The following GPR161 variants were observed in gnomAD, a reference collection of about 807,000 sequenced individuals.
GPR161 encodes the protein G-protein coupled receptor RE2.
GPR161 carries 25 observed loss-of-function variants against 39.2 expected under a neutral mutation model. That is an observed-to-expected ratio of 0.64 (90% confidence interval 0.47 to 0.89). The LOEUF (loss-of-function observed/expected upper bound fraction) is 0.89. Among genes scored for constraint, GPR161 ranks in the 40% least tolerant of loss-of-function variants. GPR161 has a pLI of 0.00. For synonymous variants in GPR161, 286 were observed against 276.6 expected (o/e 1.03, Z -0.34); for missense variants, 547 against 677.8 (o/e 0.81, Z 2.14).
intron 2 of GPR161, among the ~76,000 whole-genome samples, chr1:168,101,736 A>T (rs1468987737): frequency 6.6e-6 from 1 of 152,230 alleles, no homozygotes; most frequent in East Asian, 1.9e-4. Flanking sequence ...GAATATGACA[A>T]GCGTGTAACA....
chr1:168,136,083 G>A (rs1039964839), intron 1 of GPR161: 2 of 1,256,498 alleles, frequency 1.6e-6, no homozygotes, highest in Admixed American at 4.2e-5. Flanking sequence ...AGAAGGCGCC[G>A]AGGGCTGGTC....
In GPR161 at chr1:168,095,478, T is replaced by G. The variant is rs191861709; in HGVS notation, c.1099+1030A>C. On this transcript the variant is annotated intron_variant, in intron 3 of 5. Transcript: ENST00000682931. ...TAAAATTATTTCAAAATAAAAAGTT[T>G]TAACAAAAAATCTAACCCCTAACTA... Among the ~76,000 whole-genome samples, 685 of 152,258 alleles carry G rather than the reference T, an allele frequency of 4.5e-3. 5 individuals carry two copies. The highest frequency in any genetic ancestry group is 0.015 in the African/African-American group (639 of 41,526).
At chr1:168,137,512 G>A (rs1699473931), upstream of GPR161, 1 of 897,512 alleles carries the variant, frequency 1.1e-6, no homozygotes, top group South Asian at 1.4e-5. Context: ...GGGAGTGGAC[G>A]TAAACAGGTC....
Position 168,085,483 on chromosome 1 carries a change from TC to T in GPR161, c.*47del. ...CGGCACAGGCGGTGATGGGAACTCCTCCCCGGGCCAGCCTCTCAGGCTGCAG... is the reference window on the plus strand; with the variant it reads ...CGGCACAGGCGGTGATGGGAACTCCTCCCGGGCCAGCCTCTCAGGCTGCAG... On this transcript the variant is annotated 3_prime_UTR_variant, in exon 6 of 6. Transcript: ENST00000682931. The T allele has an allele frequency of 6.4e-7, 1 of 1,566,464 alleles. No individual in the cohort carries two copies.
chr1:168,097,864 A>AAAGGCTAAATAACACACCCCAG (rs1373676682), intron 2 of GPR161, among the ~76,000 whole-genome samples: 1 of 152,192 alleles, frequency 6.6e-6, no homozygotes, highest in African/African-American at 2.4e-5. Flanking sequence ...TAAAGCAGGG[A>AAAGGCTAAATAACACACCCCAG]AAGGCTAAAT....
At chr1:168,089,755 C>T (rs1247092908) in intron 4 of GPR161, among the ~76,000 whole-genome samples, 4 of 152,240 alleles carry the variant, frequency 2.6e-5, no homozygotes, top group Admixed American at 6.5e-5. Context: ...TCTGCCCATG[C>T]GCCTCTGCCC....
intron 1 of GPR161, among the ~76,000 whole-genome samples, chr1:168,123,265 G>A (rs529725801): frequency 8.0e-4 from 121 of 152,184 alleles, no homozygotes; most frequent in African/African-American, 2.6e-3. Flanking sequence ...GGGAAACATA[G>A]CAAGATCTTG....
intron 4 of GPR161, 90 bp from the exon 5 acceptor site, chr1:168,087,794 TC>T (rs1238588298): frequency 5.6e-6 from 7 of 1,253,764 alleles, no homozygotes; most frequent in Admixed American, 2.4e-5. Flanking sequence ...CCACCCCTCT[TC>T]TCCCGTTCAT....
At chr1:168,099,338 A>G (rs1695864937) in intron 2 of GPR161, among the ~76,000 whole-genome samples, 1 of 149,488 alleles carries the variant, frequency 6.7e-6, no homozygotes, top group Non-Finnish European at 1.5e-5. Flanking sequence ...CACTTTTCAA[A>G]AGAAACAATG....
intron 1 of GPR161, 97 bp from the exon 2 acceptor site, chr1:168,104,991 C>A (rs183639715): frequency 1.2e-6 from 1 of 869,184 alleles, no homozygotes; most frequent in African/African-American, 1.7e-5. Context: ...TTAAGTGCTA[C>A]GCCTCAGATC....
At chr1:168,119,225 T>TACGTATATATATATATAC (rs1173352572) in intron 1 of GPR161, among the ~76,000 whole-genome samples, 1 of 112,370 alleles carries the variant, frequency 8.9e-6, no homozygotes, top group Non-Finnish European at 1.8e-5. Flanking sequence ...CATATATATA[T>TACGTATATATATATATAC]ACGTATATAT....
intron 1 of GPR161, among the ~76,000 whole-genome samples, chr1:168,135,323 T>C (rs34914771): frequency 0.15 from 22,376 of 152,198 alleles, 2,009 homozygotes; most frequent in Admixed American, 0.3. Context: ...AATGGGCTAG[T>C]AGAGCTTCAC....
chr1:168,084,286 C>A lies in GPR161; in HGVS notation c.*1245G>T. 5.8e-6 allele frequency: 1 copy of A among 173,602 alleles called. No individual in the cohort carries two copies. The highest frequency in any genetic ancestry group is 1.7e-4 in the East Asian group (1 of 5,810). The allele number at this position is 173,602 out of a possible 1,614,324, so 10.8% of individuals were successfully genotyped here. On this transcript the variant is annotated 3_prime_UTR_variant, in exon 6 of 6. Transcript: ENST00000682931. ...CACATGTGCATGAGCAACCACACTCCAAAGTTATACAAAGGTCGGTCCGTG... is the reference window on the plus strand; with the variant it reads ...CACATGTGCATGAGCAACCACACTCAAAAGTTATACAAAGGTCGGTCCGTG...
chr1:168,104,866 G>T lies in GPR161; in HGVS notation c.-16C>A. The stretch of plus-strand genomic sequence containing the variant: ...TGAGGCTCATGGTCAGTGCACCTCG[G>T]CGTGGGGTGGGCAGAGCATGCTGGA... On this transcript the variant is annotated 5_prime_UTR_variant, in exon 2 of 6. Transcript: ENST00000682931. 6.2e-7 allele frequency: 1 copy of T among 1,611,542 alleles called. No homozygotes were observed. The highest frequency in any genetic ancestry group is 8.5e-7 in the Non-Finnish European group (1 of 1,177,946).
At position 168,096,514 on chromosome 1, in the gene GPR161, T is replaced by A. The variant is rs755624708; in HGVS notation, c.1093A>T (p.Ile365Phe). 6.2e-7 allele frequency: 1 copy of A among 1,613,184 alleles called. No individual in the cohort carries two copies. Among genetic ancestry groups the A allele is most frequent in the Non-Finnish European group, 8.5e-7 (1 of 1,179,466 alleles). Residue 365 changes from isoleucine to phenylalanine, a missense_variant, in exon 3 of 6, where the codon ATC becomes TTC. Transcript: ENST00000682931. ...TSRLFSISNR[I>F]TDLGLSPHLT... is the part of the protein sequence containing the mutation. ...CTAACAATGCCCAAGTTACCTGTGATCCTGTTGGAAATGCTGAAGAGCCTG... is the reference window on the plus strand; with the variant it reads ...CTAACAATGCCCAAGTTACCTGTGAACCTGTTGGAAATGCTGAAGAGCCTG...
rs1361605956 is a variant in GPR161, at chr1:168,097,355, G to A, written c.375-123C>T. On this transcript the variant is annotated intron_variant, in intron 2 of 5. Transcript: ENST00000682931. ...TTCTAAAAGCAGCACCTTCTCCCAA[G>A]TCTCCCCAGACAAGTTATATAGACT... The A allele has an allele frequency of 4.2e-6, 4 of 958,596 alleles. No homozygotes were observed. In the Admixed American group the frequency reaches 1.0e-4, roughly 25 times the overall value. The allele number at this position is 958,596 out of a possible 1,614,324, so 59.4% of individuals were successfully genotyped here.
At chr1:168,095,900 T>C (rs1255496506) in intron 3 of GPR161, among the ~76,000 whole-genome samples, 2 of 151,988 alleles carry the variant, frequency 1.3e-5, no homozygotes, top group African/African-American at 4.8e-5. Context: ...TTTGGGTGGC[T>C]GAGGTGGGCG....
chr1:168,136,248 G>T, intron 1 of GPR161: 1 of 1,349,516 alleles, frequency 7.4e-7, no homozygotes, highest in South Asian at 1.8e-5. Flanking sequence ...CTGGGAGAAG[G>T]CTGCTCACCT....
intron 1 of GPR161, among the ~76,000 whole-genome samples, chr1:168,108,868 G>A (rs997566194): frequency 6.6e-6 from 1 of 152,172 alleles, no homozygotes; most frequent in Non-Finnish European, 1.5e-5. Context: ...CTATTGGACT[G>A]TAGGGCAATT....
Sources: gnomAD v4.1 joint callset for allele counts (sites outside exome capture counted in the v4.1 genomes callset) on GRCh38, gnomAD v4.1.1 for gene constraint, MANE v1.5 for transcripts, NCBI Gene and HGNC (gene_info 2026-07-23, HGNC 2026-07-21) for gene names.